Variants in UHRF1 observed in about 807,000 individuals in gnomAD.
UHRF1 encodes the protein E3 ubiquitin-protein ligase UHRF1.
UHRF1 carries 9 observed loss-of-function variants against 96.5 expected under a neutral mutation model. That is an observed-to-expected ratio of 0.09 (90% CI 0.06 to 0.16). The LOEUF (loss-of-function observed/expected upper bound fraction) is 0.16. Ranked by LOEUF, UHRF1 falls within the 10% of genes least tolerant of loss-of-function variation. The probability of loss-of-function intolerance (pLI) is 1.00; values close to 1 mark genes in which losing one functional copy is unlikely to be tolerated. For missense variants in UHRF1, 626 were observed against 1,131.1 expected (o/e 0.55, Z 6.40); for synonymous variants, 455 against 469.9 (o/e 0.97, Z 0.41).
rs754952569 is a variant in UHRF1, at chr19:4,929,481, G to A, written c.408+5G>A. ...ACGGAATTGGGGCTGTACAAGGTGA[G>A]CCTCCCCTCCGCAGCTGCTCTGGGG... On this transcript the variant is annotated splice_donor_5th_base_variant and intron_variant, in intron 3 of 16. Coordinates refer to ENST00000650932, the MANE Select transcript of UHRF1 (RefSeq NM_001048201.3). The A allele has an allele frequency of 6.2e-7, 1 of 1,608,004 alleles. No individual in the cohort carries two copies. Among genetic ancestry groups the A allele is most frequent in the Non-Finnish European group, 8.5e-7 (1 of 1,175,544 alleles).
Position 4,961,632 on chromosome 19 carries a change from T to C in UHRF1, c.*829T>C, listed in dbSNP as rs1472960147. 5 of 152,288 alleles carry C rather than the reference T, an allele frequency of 3.3e-5. No homozygotes were observed. Among genetic ancestry groups the C allele is most frequent in the Non-Finnish European group, 5.9e-5 (4 of 68,006 alleles). 9.4% of individuals were successfully genotyped at this position (152,288 alleles called of 1,614,324 possible). A position where few individuals can be genotyped will look rare whatever the true frequency, so the allele number is the denominator to read the frequency against. ...AGTCTTTGTTGTTAGCACTGAATTATTGAAAATGTCAACCAGATTCTAGAA... is the reference window on the plus strand; with the variant it reads ...AGTCTTTGTTGTTAGCACTGAATTACTGAAAATGTCAACCAGATTCTAGAA... On this transcript the variant is annotated 3_prime_UTR_variant, in exon 17 of 17. Coordinates refer to ENST00000650932, the MANE Select transcript of UHRF1 (RefSeq NM_001048201.3).
At chr19:4,908,096 AC>A (rs1265435289), upstream of UHRF1, among the ~76,000 whole-genome samples, 5 of 152,074 alleles carry the variant, frequency 3.3e-5, no homozygotes, top group Non-Finnish European at 4.4e-5. Context: ...ACTTATTAGG[AC>A]CTTTTAAGGA....
intron 5 of UHRF1, 115 bp from the exon 6 acceptor site, chr19:4,941,413 G>A (rs1353836743): frequency 1.5e-5 from 11 of 733,034 alleles, no homozygotes; most frequent in Non-Finnish European, 1.9e-5. Context: ...GATTGCTAGG[G>A]GGCGTAGCTG....
rs1201337778 is a variant in UHRF1 at position 4,961,432 on chromosome 19, T to G, written c.*629T>G. ...CGTCTGAGATCCGCGTGAAAAGTCCTCTGCCCACGAGAGCAGGGAGTTGGG... is the reference window on the plus strand; with the variant it reads ...CGTCTGAGATCCGCGTGAAAAGTCCGCTGCCCACGAGAGCAGGGAGTTGGG... On this transcript the variant is annotated 3_prime_UTR_variant, in exon 17 of 17. Coordinates refer to ENST00000650932, the MANE Select transcript of UHRF1 (RefSeq NM_001048201.3). 6.6e-6 allele frequency: 1 copy of G among 152,022 alleles called. No individual in the cohort carries two copies. Among genetic ancestry groups the G allele is most frequent in the Non-Finnish European group, 1.5e-5 (1 of 68,186 alleles). 9.4% of individuals were successfully genotyped at this position (152,022 alleles called of 1,614,324 possible). A position where few individuals can be genotyped will look rare whatever the true frequency, so the allele number is the denominator to read the frequency against.
At chr19:4,952,045 A>T (rs2033731607) in intron 13 of UHRF1, among the ~76,000 whole-genome samples, 1 of 152,164 alleles carries the variant, frequency 6.6e-6, no homozygotes, top group Non-Finnish European at 1.5e-5. Flanking sequence ...GTAGAGAGAA[A>T]AATAGTAATG....
rs778665127 is a variant in UHRF1 at position 4,950,974 on chromosome 19, A to G, written c.1796A>G (p.Lys599Arg). 7 of 1,611,140 alleles carry G rather than the reference A, an allele frequency of 4.3e-6. No individual in the cohort carries two copies. The highest frequency in any genetic ancestry group is 5.9e-6 in the Non-Finnish European group (7 of 1,179,518). ...PWTKEGKDRI[K>R]KLGLTMQYPE... ...ACGAAGGAGGGGAAGGACCGGATCA[A>G]GAAGCTGGGGCTGACCATGCAGGTG... is the stretch of plus-strand genomic sequence containing the variant. The change falls in exon 13 of 17, where the codon AAG becomes AGG. Residue 599 changes from lysine to arginine, a missense_variant. Around this residue, in one of 11 missense-constraint regions of UHRF1, gnomAD observed 61 missense variants for 199.2 expected, o/e 0.31. Coordinates refer to ENST00000650932, the MANE Select transcript of UHRF1 (RefSeq NM_001048201.3).
At chr19:4,934,900 G>A (rs573001347) in intron 5 of UHRF1, among the ~76,000 whole-genome samples, 1 of 152,202 alleles carries the variant, frequency 6.6e-6, no homozygotes, top group Admixed American at 6.5e-5. Flanking sequence ...TCTCTGCTAG[G>A]CGCATTTCTG....
rs2033004330 is a variant in UHRF1 at position 4,930,205 on chromosome 19, C to T, written c.409-511C>T. Among the ~76,000 whole-genome samples the T allele has an allele frequency of 6.6e-6, 1 of 152,126 alleles. No homozygotes were observed. The highest frequency in any genetic ancestry group is 6.6e-5 in the Admixed American group (1 of 15,260). ...GGCCAGGCTAGTCTTGAACTCCTGG[C>T]CTCAAGTGATCTTCCCGCCGCAGCC... On this transcript the variant is annotated intron_variant, in intron 3 of 16. Transcript: ENST00000650932. This position sits in a 1 kb window ranked among gnomAD's most constrained non-coding sequence, Gnocchi z 4.4.
At chr19:4,943,753 C>T (rs534884664) in intron 7 of UHRF1, among the ~76,000 whole-genome samples, 35 of 152,126 alleles carry the variant, frequency 2.3e-4, no homozygotes, top group African/African-American at 4.6e-4. Context: ...TGGTTTCAAG[C>T]GATTCTCCTG....
chr19:4,929,107 A>T (rs549415550), intron 2 of UHRF1, 115 bp from the exon 3 acceptor site: 1 of 1,373,134 alleles, frequency 7.3e-7, no homozygotes, highest in Non-Finnish European at 9.8e-7. Flanking sequence ...ACTCTGATGC[A>T]GATTGCCCCC....
intron 5 of UHRF1, among the ~76,000 whole-genome samples, chr19:4,937,699 A>T (rs887350273): frequency 6.6e-5 from 10 of 152,148 alleles, no homozygotes; most frequent in Non-Finnish European, 1.3e-4. Flanking sequence ...AATAAGAAAC[A>T]GTGGTCTGCA....
chr19:4,951,818 G>A (rs957269447), intron 13 of UHRF1, among the ~76,000 whole-genome samples: 14 of 152,128 alleles, frequency 9.2e-5, no homozygotes, highest in African/African-American at 3.4e-4. Flanking sequence ...GTGGCGATGG[G>A]AACTGCCGAG....
intron 5 of UHRF1, among the ~76,000 whole-genome samples, chr19:4,934,727 A>G (rs2146341800): frequency 6.6e-6 from 1 of 152,290 alleles, no homozygotes; most frequent in Admixed American, 6.5e-5. Flanking sequence ...TACAGCAAGC[A>G]CGCAGAGGTC....
chr19:4,935,648 A>G (rs888320506), intron 5 of UHRF1, among the ~76,000 whole-genome samples: 1 of 151,856 alleles, frequency 6.6e-6, no homozygotes, highest in Non-Finnish European at 1.5e-5. Flanking sequence ...ACTGATGTCA[A>G]GCTAGCAAGG....
chr19:4,943,503 T>TC (rs74173033), intron 7 of UHRF1, among the ~76,000 whole-genome samples: 6,600 of 128,778 alleles, frequency 0.051, 540 homozygotes, highest in African/African-American at 0.18. Flanking sequence ...CTGCCCCCCC[T>TC]CCCCACATCG....
intron 2 of UHRF1, among the ~76,000 whole-genome samples, chr19:4,919,776 T>C (rs2032643748): frequency 6.6e-6 from 1 of 152,058 alleles, no homozygotes. Context: ...TTTACAAATT[T>C]CCATAATGGT....
chr19:4,927,586 T>TGTCTCTCTCCTCCCTTTTCCTAAG (rs542270317), intron 2 of UHRF1, among the ~76,000 whole-genome samples: 72 of 152,258 alleles, frequency 4.7e-4, no homozygotes, highest in African/African-American at 1.4e-3. Context: ...ATTCTATGTA[T>TGTCTCTCTCCTCCCTTTTCCTAAG]GTCTCTCTCC....
At chr19:4,909,105 A>G, upstream of UHRF1, 1 of 186,414 alleles carries the variant, frequency 5.4e-6, no homozygotes, top group African/African-American at 2.4e-5. Context: ...GGGGCCCCCC[A>G]CATTCCCTCG....
upstream of UHRF1, among the ~76,000 whole-genome samples, chr19:4,906,552 G>C (rs1298425226): frequency 6.6e-6 from 1 of 152,126 alleles, no homozygotes; most frequent in Non-Finnish European, 1.5e-5. Context: ...TCAGGAGTTT[G>C]AGACCAGCCT....
Sources: gnomAD v4.1 joint callset for allele counts (sites outside exome capture counted in the v4.1 genomes callset) on GRCh38, gnomAD v4.1.1 for gene constraint, gnomAD v4.1.1 regional missense constraint, Gnocchi (gnomAD v3.1) non-coding constraint, MANE v1.5 for transcripts, NCBI Gene and HGNC (gene_info 2026-07-23, HGNC 2026-07-21) for gene names.